The following SIPA1L3 variants were observed in gnomAD, a reference collection of about 807,000 sequenced individuals.
SIPA1L3 encodes the protein signal induced proliferation associated 1 like 3.
In SIPA1L3, 59 loss-of-function variants were observed where a neutral mutation model predicts 150.1. The ratio of observed to expected loss-of-function variants is 0.39; its 90% CI spans 0.32 to 0.49. The LOEUF (loss-of-function observed/expected upper bound fraction) is 0.49, where lower values mean the gene tolerates loss of function less well. Ranked by LOEUF, SIPA1L3 falls within the 20% of genes least tolerant of loss-of-function variation. The pLI is 0.86. For synonymous variants in SIPA1L3, 1,070 were observed against 1,077.6 expected, an observed-to-expected ratio of 0.99 and a Z score of 0.14; for missense variants, 2,211 against 2,489.5, an observed-to-expected ratio of 0.89 and a Z score of 2.38.
intron 2 of SIPA1L3, among the ~76,000 whole-genome samples, chr19:38,067,511 C>G (rs1969622681): frequency 6.6e-6 from 1 of 152,052 alleles, no homozygotes; most frequent in Admixed American, 6.6e-5. Flanking sequence ...GTCTGTAATC[C>G]CAGCACTTTG....
chr19:37,921,500 TG>T (rs918980471), intron 1 of SIPA1L3, among the ~76,000 whole-genome samples: 21 of 152,212 alleles, frequency 1.4e-4, no homozygotes, highest in African/African-American at 4.8e-4. Flanking sequence ...TATGCTGTGC[TG>T]TTGGTTTGCA....
intron 1 of SIPA1L3, among the ~76,000 whole-genome samples, chr19:37,976,106 A>AG (rs937622676): frequency 8.2e-6 from 1 of 121,836 alleles, no homozygotes; most frequent in African/African-American, 2.6e-5. Context: ...CTCTGTCTTA[A>AG]AAAAAAAAAA....
At chr19:37,993,626 CGGG>C (rs1335221000) in intron 1 of SIPA1L3, among the ~76,000 whole-genome samples, 7 of 152,290 alleles carry the variant, frequency 4.6e-5, no homozygotes, top group Non-Finnish European at 1.0e-4. Flanking sequence ...AGATCCCTAA[CGGG>C]GGAATCTGTG....
intron 1 of SIPA1L3, among the ~76,000 whole-genome samples, chr19:37,932,857 C>T (rs1165566328): frequency 6.6e-6 from 1 of 152,022 alleles, no homozygotes; most frequent in African/African-American, 2.4e-5. Context: ...AAGAGTGGGC[C>T]GGGTGTTGAC....
intron 1 of SIPA1L3, among the ~76,000 whole-genome samples, chr19:37,979,128 C>T (rs1442669344): frequency 1.3e-5 from 2 of 152,112 alleles, no homozygotes; most frequent in Non-Finnish European, 2.9e-5. Context: ...GGGTGGCCAC[C>T]TGTAGCCTGC....
rs1318809105 is a variant in SIPA1L3, at chr19:38,066,039, C to T, written c.-310-15217C>T. Among the ~76,000 whole-genome samples the T allele has an allele frequency of 2.8e-5, 4 of 143,104 alleles. No homozygotes were observed. In the East Asian group the frequency reaches 8.0e-4, roughly 29 times the overall value. The allele number at this position is 143,104 out of a possible 152,430, so 93.9% of individuals were successfully genotyped here. ...ATTTATTTATTTATTTTTGAGGCAA[C>T]GTCTTGCTCTGTTGCCTGGGCTTGA... On this transcript the variant is annotated intron_variant, in intron 2 of 21. Transcript: ENST00000222345.
intron 8 of SIPA1L3, among the ~76,000 whole-genome samples, chr19:38,113,776 G>A (rs1368955675): frequency 6.6e-6 from 1 of 152,132 alleles, no homozygotes; most frequent in African/African-American, 2.4e-5. Context: ...TGGCCCAAAT[G>A]TTGCAGGCAC....
At chr19:38,054,761 C>A (rs920497484) in intron 2 of SIPA1L3, among the ~76,000 whole-genome samples, 3 of 135,376 alleles carry the variant, frequency 2.2e-5, no homozygotes, top group African/African-American at 9.5e-5. Flanking sequence ...GGACAGCATG[C>A]CCTCCCACAC....
At chr19:38,185,083 G>C (rs1211047989) in intron 16 of SIPA1L3, 1 of 152,488 alleles carries the variant, frequency 6.6e-6, no homozygotes, top group African/African-American at 2.4e-5. Flanking sequence ...GCTCCCTCCA[G>C]ATCTTCTTGG....
intron 2 of SIPA1L3, among the ~76,000 whole-genome samples, chr19:38,062,882 A>C (rs1969480716): frequency 6.6e-6 from 1 of 152,038 alleles, no homozygotes; most frequent in Admixed American, 6.5e-5. Flanking sequence ...TGGCCTCCCA[A>C]AGTGCTGGGA....
At chr19:38,146,003 C>T (rs1304166678) in intron 12 of SIPA1L3, among the ~76,000 whole-genome samples, 1 of 152,126 alleles carries the variant, frequency 6.6e-6, no homozygotes, top group African/African-American at 2.4e-5. Flanking sequence ...GCTAGGACTG[C>T]AGGCATGCAC....
chr19:38,091,086 G>A (rs1970247944), intron 4 of SIPA1L3, among the ~76,000 whole-genome samples: 1 of 152,188 alleles, frequency 6.6e-6, no homozygotes, highest in South Asian at 2.1e-4. Context: ...GACGCCTACA[G>A]TCATATACTT....
chr19:38,197,552 C>A (rs2146060148), intron 18 of SIPA1L3, among the ~76,000 whole-genome samples: 1 of 152,084 alleles, frequency 6.6e-6, no homozygotes, highest in African/African-American at 2.4e-5. Context: ...GCAGCTGGGA[C>A]TCTCCTCGTC....
intron 3 of SIPA1L3, among the ~76,000 whole-genome samples, chr19:38,086,926 C>T (rs1236556831): frequency 6.6e-6 from 1 of 152,128 alleles, no homozygotes; most frequent in African/African-American, 2.4e-5. Flanking sequence ...CTAAACCAAC[C>T]TAATGTTGCT....
chr19:38,102,168 T>A (rs1392108615), intron 6 of SIPA1L3, among the ~76,000 whole-genome samples: 1 of 151,762 alleles, frequency 6.6e-6, no homozygotes, highest in African/African-American at 2.4e-5. Context: ...TGCCTCAGCG[T>A]CCCAAGTAAC....
chr19:38,130,355 G>C lies in SIPA1L3; in HGVS notation c.2869-143G>C, dbSNP rs565023042. ...GGGACCGGGTGCGTGTTCCCCCTGC[G>C]GGTCCCCTGCCATCACCCGGGAAGG... On this transcript the variant is annotated intron_variant, in intron 9 of 21. Coordinates refer to ENST00000222345, the MANE Select transcript of SIPA1L3 (RefSeq NM_015073.3). 4.4e-5 allele frequency: 36 copies of C among 809,718 alleles called. No individual in the cohort carries two copies. The East Asian group carries it at 9.2e-4, about 21-fold the overall frequency. The allele number at this position is 809,718 out of a possible 1,614,324, so 50.2% of individuals were successfully genotyped here.
intron 1 of SIPA1L3, among the ~76,000 whole-genome samples, chr19:37,986,397 G>A (rs191392181): frequency 6.6e-6 from 1 of 152,332 alleles, no homozygotes; most frequent in Non-Finnish European, 1.5e-5. Context: ...CAACAGTTAA[G>A]ACACTTGCAT....
At chr19:38,178,108 T>G (rs534124074) in intron 15 of SIPA1L3, among the ~76,000 whole-genome samples, 1 of 131,908 alleles carries the variant, frequency 7.6e-6, no homozygotes, top group Non-Finnish European at 1.6e-5. Flanking sequence ...TGTGTGTGTG[T>G]GTGTGTGTGT....
intron 16 of SIPA1L3, among the ~76,000 whole-genome samples, chr19:38,189,966 G>A (rs538132986): frequency 2.6e-5 from 4 of 152,298 alleles, no homozygotes; most frequent in South Asian, 2.1e-4. Flanking sequence ...TCTCTGGAGG[G>A]TGTGATTCTG....
Sources: gnomAD v4.1 joint callset for allele counts (sites outside exome capture counted in the v4.1 genomes callset) on GRCh38, gnomAD v4.1.1 for gene constraint, MANE v1.5 for transcripts, NCBI Gene and HGNC (gene_info 2026-07-23, HGNC 2026-07-21) for gene names.